The following FGF14 variants were observed in gnomAD, a reference collection of about 807,000 sequenced individuals.
The protein encoded by FGF14 is fibroblast growth factor homologous factor 4.
FGF14 carries 5 observed loss-of-function variants against 25.5 expected under a neutral mutation model. The observed-to-expected ratio is 0.20, with a 90% confidence interval of 0.10 to 0.41. The LOEUF (loss-of-function observed/expected upper bound fraction) is 0.41. Ranked by LOEUF, FGF14 falls within the 10% of genes least tolerant of loss-of-function variation. The pLI, the probability that FGF14 is intolerant of heterozygous loss-of-function variation, is 1.00. For synonymous variants in FGF14, 138 were observed against 118.3 expected (o/e 1.17, Z -1.08); for missense variants, 222 against 320.1 (o/e 0.69, Z 2.34).
chr13:101,768,559 C>G (rs905061918), intron 3 of FGF14, among the ~76,000 whole-genome samples: 1 of 152,096 alleles, frequency 6.6e-6, no homozygotes, highest in African/African-American at 2.4e-5. Context: ...ACTACCCAAC[C>G]TCAAGACTCA....
At chr13:102,290,810 T>C (rs747652743) in intron 1 of FGF14, among the ~76,000 whole-genome samples, 1 of 152,280 alleles carries the variant, frequency 6.6e-6, no homozygotes, top group South Asian at 2.1e-4. Flanking sequence ...CTTAAAATCA[T>C]ATAGTCATTT....
At chr13:102,288,417 C>T (rs919122029) in intron 1 of FGF14, among the ~76,000 whole-genome samples, 3 of 152,050 alleles carry the variant, frequency 2.0e-5, no homozygotes, top group Admixed American at 6.5e-5. Flanking sequence ...AAAACAAGTA[C>T]TTTGACTCTC....
chr13:101,891,317 C>T (rs1442384322), intron 1 of FGF14, among the ~76,000 whole-genome samples: 1 of 152,150 alleles, frequency 6.6e-6, no homozygotes, highest in Non-Finnish European at 1.5e-5. Flanking sequence ...TAACCCAATT[C>T]CAGATGTGCC....
chr13:102,166,760 C>T (rs4288862), intron 1 of FGF14, among the ~76,000 whole-genome samples: 11,518 of 152,050 alleles, frequency 0.076, 815 homozygotes, highest in East Asian at 0.21. Flanking sequence ...TAAAATAAGG[C>T]GTCTTCCAAT....
In FGF14 at chr13:101,898,928, C is replaced by T. The variant is rs544816862; in HGVS notation, c.193+17525G>A. ...CATTACTCTTTCTCTCAAGAATTTGCTGCTTCAAAAGTGGAGGAAGGCAAA... is the reference window on the plus strand; with the variant it reads ...CATTACTCTTTCTCTCAAGAATTTGTTGCTTCAAAAGTGGAGGAAGGCAAA... On this transcript the variant is annotated intron_variant, in intron 1 of 4. Coordinates refer to ENST00000376143, the MANE Select transcript of FGF14 (RefSeq NM_004115.4). Among the ~76,000 whole-genome samples the T allele has an allele frequency of 3.8e-4, 58 of 152,236 alleles. No homozygotes were observed. In the South Asian group the frequency reaches 0.011, roughly 30 times the overall value.
At chr13:101,839,439 A>G (rs911907616) in intron 3 of FGF14, among the ~76,000 whole-genome samples, 60 of 152,200 alleles carry the variant, frequency 3.9e-4, no homozygotes, top group African/African-American at 1.3e-3. Flanking sequence ...CTCATGAAAA[A>G]GTAATACCAG....
intron 1 of FGF14, among the ~76,000 whole-genome samples, chr13:102,048,393 T>TA (rs1286255256): frequency 6.6e-6 from 1 of 152,234 alleles, no homozygotes; most frequent in Non-Finnish European, 1.5e-5. Context: ...ACCTTGTGGT[T>TA]AGTATACGGT....
chr13:101,954,699 AGT>A (rs5806259), intron 1 of FGF14, among the ~76,000 whole-genome samples: 3,524 of 150,772 alleles, frequency 0.023, 119 homozygotes, highest in African/African-American at 0.076. Context: ...ATTCACTGAA[AGT>A]GTGTGTGTGT....
intron 1 of FGF14, among the ~76,000 whole-genome samples, chr13:101,939,520 G>A (rs1001552042): frequency 1.4e-4 from 21 of 152,238 alleles, no homozygotes; most frequent in Non-Finnish European, 3.1e-4. Context: ...AAGGTTGAGT[G>A]AAGATGTTAC....
At chr13:102,324,670 C>T (rs1267353260) in intron 1 of FGF14, among the ~76,000 whole-genome samples, 1 of 152,110 alleles carries the variant, frequency 6.6e-6, no homozygotes, top group Non-Finnish European at 1.5e-5. Flanking sequence ...ACATGATCTC[C>T]AATCCCCACA....
In FGF14 at chr13:102,068,667, G is replaced by A. The variant is rs566212535; in HGVS notation, c.209-193371C>T. Among the ~76,000 whole-genome samples, 186 of 152,312 alleles carry A rather than the reference G, an allele frequency of 1.2e-3. 1 individual carries two copies. The highest frequency in any genetic ancestry group is 4.2e-3 in the African/African-American group (174 of 41,578). ...GGTCCCCCAGCAGTGCCAGCCCACCGGCGCTGTGCTCGATTTCTCGCCGGG... is the reference window on the plus strand; with the variant it reads ...GGTCCCCCAGCAGTGCCAGCCCACCAGCGCTGTGCTCGATTTCTCGCCGGG... On this transcript the variant is annotated intron_variant, in intron 1 of 4. Transcript: ENST00000376131.
At chr13:102,140,075 C>T (rs1034291355) in intron 1 of FGF14, among the ~76,000 whole-genome samples, 2 of 138,046 alleles carry the variant, frequency 1.4e-5, no homozygotes, top group Admixed American at 7.3e-5. Context: ...GTAAGTCATC[C>T]GTGTTTGGTG....
Position 101,718,334 on chromosome 13 carries a change from T to C in FGF14, c.*4497A>G, listed in dbSNP as rs1231786762. 1 of 152,120 alleles carries C rather than the reference T, an allele frequency of 6.6e-6. No homozygotes were observed. Among genetic ancestry groups the C allele is most frequent in the African/African-American group, 2.4e-5 (1 of 41,428 alleles). 9.4% of individuals were successfully genotyped at this position (152,120 alleles called of 1,614,324 possible). A position where few individuals can be genotyped will look rare whatever the true frequency, so the allele number is the denominator to read the frequency against. On this transcript the variant is annotated 3_prime_UTR_variant, in exon 5 of 5. Coordinates refer to ENST00000376143, the MANE Select transcript of FGF14 (RefSeq NM_004115.4). ...GATTGGAAAAAATAAAATAGTTACA[T>C]GTAAAGACATAAACTCTTTCCTTCT...
intron 1 of FGF14, among the ~76,000 whole-genome samples, chr13:102,082,885 G>A (rs1162296436): frequency 6.6e-6 from 1 of 151,936 alleles, no homozygotes; most frequent in Non-Finnish European, 1.5e-5. Flanking sequence ...GTGAACCCGG[G>A]AGGCGGAGCT....
intron 1 of FGF14, among the ~76,000 whole-genome samples, chr13:102,251,130 C>A (rs2052149493): frequency 1.3e-5 from 2 of 152,130 alleles, no homozygotes; most frequent in African/African-American, 4.8e-5. Flanking sequence ...ATGCTATATT[C>A]ATTATATTTG....
intron 3 of FGF14, among the ~76,000 whole-genome samples, chr13:101,816,398 G>A (rs1288961625): frequency 6.6e-6 from 1 of 152,014 alleles, no homozygotes; most frequent in Non-Finnish European, 1.5e-5. Context: ...CATGGTGAAA[G>A]AGAAGGATTA....
chr13:101,858,272 A>G (rs1383520305), intron 3 of FGF14, among the ~76,000 whole-genome samples: 1 of 151,466 alleles, frequency 6.6e-6, no homozygotes, highest in African/African-American at 2.4e-5. Flanking sequence ...GATAGATGGT[A>G]TATTGAGATT....
intron 1 of FGF14, among the ~76,000 whole-genome samples, chr13:102,156,469 G>A (rs966276177): frequency 4.6e-5 from 7 of 152,148 alleles, no homozygotes; most frequent in Admixed American, 3.9e-4. Flanking sequence ...AGCCCTTCAT[G>A]CTAAAAACTC....
chr13:102,362,892 A>G (rs140574972), intron 1 of FGF14, among the ~76,000 whole-genome samples: 33 of 152,324 alleles, frequency 2.2e-4, no homozygotes, highest in African/African-American at 7.9e-4. Context: ...TTATCTAATC[A>G]TATCATGAAG....
Sources: allele counts gnomAD v4.1 joint callset (sites outside exome capture counted in the v4.1 genomes callset), GRCh38; gene constraint gnomAD v4.1.1; transcripts MANE v1.5; gene names NCBI Gene and HGNC (gene_info 2026-07-23, HGNC 2026-07-21).